The following PDE1C variants were observed in gnomAD, a reference collection of about 807,000 sequenced individuals.
The protein encoded by PDE1C is dual specificity calcium/calmodulin-dependent 3',5'-cyclic nucleotide phosphodiesterase 1C.
Under a neutral mutation model 93.1 loss-of-function variants are expected in PDE1C, and 62 were observed. The observed-to-expected ratio is 0.67, with a 90% CI of 0.54 to 0.82. The LOEUF (loss-of-function observed/expected upper bound fraction) is 0.82, where lower values mean the gene tolerates loss of function less well. Among genes scored for constraint, PDE1C ranks in the 40% least tolerant of loss-of-function variants. The pLI is 0.00. For missense variants in PDE1C, 742 were observed against 884.6 expected, an observed-to-expected ratio of 0.84 and a Z score of 2.04; for synonymous variants, 325 against 310.1, an observed-to-expected ratio of 1.05 and a Z score of -0.50.
intron 2 of PDE1C, among the ~76,000 whole-genome samples, chr7:32,205,920 A>G (rs1805442328): frequency 1.3e-5 from 2 of 152,296 alleles, no homozygotes; most frequent in East Asian, 1.9e-4. Context: ...GGAACAAACT[A>G]TGGACACACC....
intron 2 of PDE1C, among the ~76,000 whole-genome samples, chr7:32,205,333 A>G (rs1937460260): frequency 6.6e-6 from 1 of 152,218 alleles, no homozygotes; most frequent in African/African-American, 2.4e-5. Flanking sequence ...AAGCTCTAGC[A>G]TTGAGGTGAA....
chr7:31,867,104 C>T (rs1795395400), intron 6 of PDE1C, among the ~76,000 whole-genome samples: 2 of 152,086 alleles, frequency 1.3e-5, no homozygotes, highest in African/African-American at 4.8e-5. Flanking sequence ...CATTCTCTGC[C>T]TGCAGCCACA....
intron 1 of PDE1C, among the ~76,000 whole-genome samples, chr7:32,393,971 T>C (rs899877251): frequency 1.8e-4 from 28 of 152,364 alleles, no homozygotes; most frequent in African/African-American, 6.5e-4. Context: ...GTGGGAAATG[T>C]ATACCCTTCA....
At chr7:32,316,210 A>G (rs1783167363) in intron 1 of PDE1C, among the ~76,000 whole-genome samples, 1 of 152,170 alleles carries the variant, frequency 6.6e-6, no homozygotes, top group African/African-American at 2.4e-5. Context: ...TGAATACATG[A>G]ATATTCTATT....
chr7:31,753,919 G>T (rs899992615), intron 17 of PDE1C, among the ~76,000 whole-genome samples: 1 of 152,198 alleles, frequency 6.6e-6, no homozygotes, highest in Admixed American at 6.5e-5. Flanking sequence ...ATTTAGCATT[G>T]TATGTAAGCT....
the PDE1C span, among the ~76,000 whole-genome samples, chr7:31,737,437 A>C: frequency 6.6e-6 from 1 of 152,224 alleles, no homozygotes; most frequent in Non-Finnish European, 1.5e-5. Flanking sequence ...TCAGACTGAC[A>C]TGCCAACATA....
chr7:31,690,045 A>G, the PDE1C span, among the ~76,000 whole-genome samples: 2 of 152,220 alleles, frequency 1.3e-5, no homozygotes, highest in African/African-American at 4.8e-5. Flanking sequence ...CACCTTGTCC[A>G]GGGGCCTCTG....
chr7:32,423,585 C>T (rs1317583776), intron 1 of PDE1C, among the ~76,000 whole-genome samples: 1 of 152,116 alleles, frequency 6.6e-6, no homozygotes, highest in African/African-American at 2.4e-5. Context: ...CAAGCCTGAG[C>T]GTCTGTAATT....
chr7:31,624,779 A>G, the PDE1C span, among the ~76,000 whole-genome samples: 1 of 152,092 alleles, frequency 6.6e-6, no homozygotes, highest in Non-Finnish European at 1.5e-5. Flanking sequence ...AATGGGATCT[A>G]ATTAAACTAA....
intron 3 of PDE1C, among the ~76,000 whole-genome samples, chr7:32,088,675 AT>A (rs1371559948): frequency 2.0e-5 from 3 of 152,216 alleles, no homozygotes; most frequent in Non-Finnish European, 2.9e-5. Context: ...AAATCCCTCT[AT>A]GCACAAGCGG....
chr7:31,865,576 T>C (rs1205127092), intron 6 of PDE1C, among the ~76,000 whole-genome samples: 3 of 152,240 alleles, frequency 2.0e-5, no homozygotes, highest in Non-Finnish European at 2.9e-5. Flanking sequence ...TAACCATTTG[T>C]GGAATCATTC....
chr7:32,133,934 A>T lies in PDE1C; in HGVS notation c.308+35851T>A, dbSNP rs534144309. ...AGGAAATTTCAGCTGGTAAATATAAAATATATTTATATCTTATAAATATAA... is the reference window on the plus strand; with the variant it reads ...AGGAAATTTCAGCTGGTAAATATAATATATATTTATATCTTATAAATATAA... On this transcript the variant is annotated intron_variant, in intron 3 of 18. Coordinates refer to the PDE1C transcript ENST00000396193. Among the ~76,000 whole-genome samples, 8 of 151,994 alleles carry T rather than the reference A, an allele frequency of 5.3e-5. No individual in the cohort carries two copies. The South Asian group carries it at 8.3e-4, about 16-fold the overall frequency.
Position 32,281,285 on chromosome 7 carries a change from T to C in PDE1C, c.85+17366A>G, listed in dbSNP as rs367884570. On this transcript the variant is annotated intron_variant, in intron 1 of 18. Transcript: ENST00000396193. ...TAAATGAATAAAACTGATAGGCTTA[T>C]TTAAAAATTTAACATCTGAACATAA... is the stretch of plus-strand genomic sequence containing the variant. Among the ~76,000 whole-genome samples, 7 of 152,350 alleles carry C rather than the reference T, an allele frequency of 4.6e-5. No homozygotes were observed. The East Asian group carries it at 7.7e-4, about 17-fold the overall frequency.
chr7:32,424,195 G>A (rs970573450), intron 1 of PDE1C, among the ~76,000 whole-genome samples: 56 of 152,146 alleles, frequency 3.7e-4, no homozygotes, highest in African/African-American at 1.2e-3. Context: ...ACGGGCTTTG[G>A]TACATTATCT....
chr7:32,154,731 T>C (rs1321041146), intron 3 of PDE1C, among the ~76,000 whole-genome samples: 11 of 152,154 alleles, frequency 7.2e-5, no homozygotes, highest in Non-Finnish European at 8.8e-5. Flanking sequence ...TACCACCCCA[T>C]ACCATACAGT....
At chr7:32,182,921 C>G (rs1471353555) in intron 2 of PDE1C, among the ~76,000 whole-genome samples, 1 of 152,170 alleles carries the variant, frequency 6.6e-6, no homozygotes, top group Non-Finnish European at 1.5e-5. Flanking sequence ...AGCCCAAAAT[C>G]TCCTTAAGCC....
At chr7:31,714,227 C>T in the PDE1C span, among the ~76,000 whole-genome samples, 1 of 152,178 alleles carries the variant, frequency 6.6e-6, no homozygotes, top group Non-Finnish European at 1.5e-5. Context: ...GTTCAAAGTT[C>T]CACAAATCTC....
chr7:31,903,429 T>G (rs1185676370), intron 2 of PDE1C, among the ~76,000 whole-genome samples: 3 of 151,982 alleles, frequency 2.0e-5, no homozygotes, highest in Non-Finnish European at 4.4e-5. Context: ...TTTATAACCT[T>G]AAGAACAATG....
intron 1 of PDE1C, among the ~76,000 whole-genome samples, chr7:32,269,229 T>C (rs1199354988): frequency 5.3e-5 from 8 of 151,740 alleles, no homozygotes; most frequent in Non-Finnish European, 8.8e-5. Context: ...CTGAGGATGT[T>C]GTGAAAACAG....
Sources: allele counts gnomAD v4.1 joint callset (sites outside exome capture counted in the v4.1 genomes callset), GRCh38; gene constraint gnomAD v4.1.1; transcripts MANE v1.5; gene names NCBI Gene and HGNC (gene_info 2026-07-23, HGNC 2026-07-21).